SPP2: variants seen among roughly 807,000 people sequenced by gnomAD.
The protein encoded by SPP2 is secreted phosphoprotein 24.
In SPP2, 34 loss-of-function variants were observed where a neutral mutation model predicts 28.8. The ratio of observed to expected loss-of-function variants is 1.18; its 90% CI spans 0.90 to 1.57. The LOEUF (loss-of-function observed/expected upper bound fraction) is 1.57. Ranked by LOEUF, SPP2 falls within the 40% of genes most tolerant of loss-of-function variation. The probability of loss-of-function intolerance (pLI) is 0.00; values close to 1 mark genes in which losing one functional copy is unlikely to be tolerated. For missense variants in SPP2, 269 were observed against 263.9 expected (o/e 1.02, Z -0.13); for synonymous variants, 96 against 89.4 (o/e 1.07, Z -0.42).
chr2:234,060,358 G>C lies in SPP2; in HGVS notation c.334-11G>C. The C allele has an allele frequency of 6.2e-7, 1 of 1,608,312 alleles. No individual in the cohort carries two copies. The highest frequency in any genetic ancestry group is 1.1e-5 in the South Asian group (1 of 90,966). On this transcript the variant is annotated splice_polypyrimidine_tract_variant and intron_variant, in intron 3 of 7. Transcript: ENST00000168148. Reference sequence around the variant, plus strand: ...AGCTGAAGAGAGAACTCACCCCTTTGTCTTTTCCAGTCCACAGCTGTTTGC... The same window carrying C: ...AGCTGAAGAGAGAACTCACCCCTTTCTCTTTTCCAGTCCACAGCTGTTTGC...
chr2:234,058,275 G>A (rs28903700), intron 2 of SPP2, among the ~76,000 whole-genome samples: 3,003 of 151,562 alleles, frequency 0.02, 132 homozygotes, highest in East Asian at 0.16. Context: ...TAAACATAAA[G>A]CTACTAACAA....
chr2:234,056,966 TCTCACAGAAAGAGCGCTGC>T (rs1326134813), intron 2 of SPP2, among the ~76,000 whole-genome samples: 1 of 152,090 alleles, frequency 6.6e-6, no homozygotes, highest in Non-Finnish European at 1.5e-5. Context: ...TAGTTCTCGC[TCTCACAGAAAGAGCGCTGC>T]CTCCATCTCT....
chr2:234,075,888 T>C (rs1454236262), intron 7 of SPP2, among the ~76,000 whole-genome samples: 1 of 152,192 alleles, frequency 6.6e-6, no homozygotes, highest in African/African-American at 2.4e-5. Context: ...CCCCCAGGCC[T>C]GAAGCAGATG....
intron 2 of SPP2, chr2:234,056,419 A>G (rs1286706391): frequency 6.6e-6 from 1 of 152,328 alleles, no homozygotes; most frequent in South Asian, 2.1e-4. Context: ...CTTGAATTAC[A>G]CAGAATAGAA....
chr2:234,068,702 CTT>C lies in SPP2; in HGVS notation c.551-1210_551-1209del, dbSNP rs35373190. On this transcript the variant is annotated intron_variant, in intron 6 of 7. Transcript: ENST00000168148. ...TTAGAATTGCCTTCAGAATCCATGGCTTTTTTTTTTTTTTTTTAAATCTCCGT... is the reference window on the plus strand; with the variant it reads ...TTAGAATTGCCTTCAGAATCCATGGCTTTTTTTTTTTTTTTAAATCTCCGT... Among the ~76,000 whole-genome samples, 1,112 of 128,312 alleles carry C rather than the reference CTT, an allele frequency of 8.7e-3. 37 individuals are homozygous for C. The highest frequency in any genetic ancestry group is 0.07 in the Admixed American group (915 of 13,116). The allele number at this position is 128,312 out of a possible 152,430, so 84.2% of individuals were successfully genotyped here.
intron 5 of SPP2, 60 bp from the exon 6 acceptor site, chr2:234,067,164 T>A (rs41270757): frequency 0.011 from 15,548 of 1,475,530 alleles, 85 homozygotes; most frequent in Non-Finnish European, 0.013. Flanking sequence ...AACAGTAAAG[T>A]CATAGAACAT....
rs751779096 is a variant in SPP2, at chr2:234,071,044, TA to T, written c.*10+1023del. ...TTAATTGATGGCATTACCATCCACC[TA>T]ATTTGCTCAAGCTAAAAATCTTGAG... On this transcript the variant is annotated intron_variant, in intron 7 of 7. Coordinates refer to ENST00000168148, the MANE Select transcript of SPP2 (RefSeq NM_006944.3). Among the ~76,000 whole-genome samples the T allele has an allele frequency of 5.9e-5, 9 of 152,282 alleles. No individual in the cohort carries two copies. The South Asian group carries it at 8.3e-4, about 14-fold the overall frequency.
chr2:234,061,296 C>A (rs1371807055), intron 4 of SPP2, among the ~76,000 whole-genome samples: 1 of 152,060 alleles, frequency 6.6e-6, no homozygotes, highest in Admixed American at 6.6e-5. Flanking sequence ...CAGTCTAGGA[C>A]AATGTGTGAT....
chr2:234,055,876 A>G (rs1459550515), intron 2 of SPP2, among the ~76,000 whole-genome samples: 2 of 151,752 alleles, frequency 1.3e-5, no homozygotes, highest in Admixed American at 6.6e-5. Flanking sequence ...TTGGAAATGA[A>G]TTATTTTATT....
At chr2:234,064,104 C>T (rs1574830721) in intron 4 of SPP2, among the ~76,000 whole-genome samples, 1 of 152,070 alleles carries the variant, frequency 6.6e-6, no homozygotes, top group Middle Eastern at 3.4e-3. Flanking sequence ...CCCTTCTCTC[C>T]TGGCCTCCCC....
chr2:234,056,909 T>G (rs373213502), intron 2 of SPP2, among the ~76,000 whole-genome samples: 7 of 152,124 alleles, frequency 4.6e-5, no homozygotes, highest in African/African-American at 1.4e-4. Context: ...CCACTTTTTT[T>G]CCAAAACAAA....
intron 1 of SPP2, 44 bp from the exon 2 acceptor site, chr2:234,050,927 G>A (rs543034193): frequency 5.2e-5 from 84 of 1,613,920 alleles, no homozygotes; most frequent in Admixed American, 2.8e-4. Flanking sequence ...CCATGCTGGC[G>A]CCTGTGTCTT....
At chr2:234,061,657 C>G (rs1034226656) in intron 4 of SPP2, among the ~76,000 whole-genome samples, 1 of 152,090 alleles carries the variant, frequency 6.6e-6, no homozygotes, top group Non-Finnish European at 1.5e-5. Flanking sequence ...TTAATATACT[C>G]CTGCCTTAAC....
intron 4 of SPP2, among the ~76,000 whole-genome samples, chr2:234,062,806 G>C (rs1406267679): frequency 6.6e-6 from 1 of 152,134 alleles, no homozygotes; most frequent in Non-Finnish European, 1.5e-5. Flanking sequence ...TTTGGAAAGT[G>C]GGTTCTGATT....
intron 2 of SPP2, among the ~76,000 whole-genome samples, chr2:234,055,403 T>C (rs895524189): frequency 6.6e-6 from 1 of 152,204 alleles, no homozygotes; most frequent in Non-Finnish European, 1.5e-5. Flanking sequence ...GGTCATCTGC[T>C]TTACTTAAAG....
At chr2:234,071,409 A>T (rs1300105032) in intron 7 of SPP2, among the ~76,000 whole-genome samples, 1 of 152,160 alleles carries the variant, frequency 6.6e-6, no homozygotes, top group Non-Finnish European at 1.5e-5. Flanking sequence ...AAAGCTAGAG[A>T]CAGAGTCCTG....
chr2:234,051,666 T>G (rs897549525), intron 2 of SPP2, among the ~76,000 whole-genome samples: 12 of 152,226 alleles, frequency 7.9e-5, no homozygotes, highest in African/African-American at 2.7e-4. Context: ...GTCATCTCCC[T>G]TCTTCCTGTT....
intron 7 of SPP2, among the ~76,000 whole-genome samples, chr2:234,075,020 A>T (rs1037613263): frequency 3.9e-5 from 5 of 127,562 alleles, no homozygotes; most frequent in East Asian, 2.0e-4. Context: ...AAAAAAAAAA[A>T]ATGGGGCACT....
Position 234,066,567 on chromosome 2 carries a change from G to A in SPP2, c.479G>A (p.Trp160Ter). Residue 160 changes from tryptophan to a stop codon, truncating the protein, a stop_gained, in exon 5 of 8, where the codon TGG becomes TAG. Coordinates refer to ENST00000168148, the MANE Select transcript of SPP2 (RefSeq NM_006944.3). LOFTEE classifies it high-confidence loss of function. ...IFGDMLGSHK[W>*]RNNYLFGLIS... The stretch of plus-strand genomic sequence containing the variant: ...GGGGACATGTTGGGATCTCATAAAT[G>A]GAGAAACAATTATCTATTTGGTAAG... 6.2e-7 allele frequency: 1 copy of A among 1,611,966 alleles called. No homozygotes were observed. The highest frequency in any genetic ancestry group is 2.2e-5 in the East Asian group (1 of 44,766).
Sources: gnomAD v4.1 joint callset for allele counts (sites outside exome capture counted in the v4.1 genomes callset) on GRCh38, gnomAD v4.1.1 for gene constraint, MANE v1.5 for transcripts, NCBI Gene and HGNC (gene_info 2026-07-23, HGNC 2026-07-21) for gene names.